RYR3: variants seen among roughly 807,000 people sequenced by gnomAD.
RYR3 encodes ryanodine receptor 3, also known as brain ryanodine receptor-calcium release channel.
A neutral mutation model predicts 584.3 loss-of-function variants in RYR3; 207 were observed. The ratio of observed to expected loss-of-function variants is 0.35; its 90% CI spans 0.32 to 0.40. RYR3 has a LOEUF of 0.40. RYR3 is among the 10% of genes least tolerant of loss of function. The pLI, the probability that RYR3 is intolerant of heterozygous loss-of-function variation, is 1.00. For missense variants in RYR3, 5,616 were observed against 6,089.2 expected (o/e 0.92, Z 2.59); for synonymous variants, 2,416 against 2,248.5 (o/e 1.07, Z -2.11).
chr15:33,859,407 G>C lies in RYR3; in HGVS notation c.14143-168G>C, dbSNP rs191280755. On this transcript the variant is annotated intron_variant, in intron 99 of 103. Transcript: ENST00000634891. Reference sequence around the variant, plus strand: ...CTTTGTAGATATCAAACTGTCCAGAGGGTGCAGTGGACAGCAGCTAGCAGC... The same window carrying C: ...CTTTGTAGATATCAAACTGTCCAGACGGTGCAGTGGACAGCAGCTAGCAGC... 2.4e-3 allele frequency among the ~76,000 whole-genome samples: 360 copies of C among 152,318 alleles called. 1 individual carries two copies. Among genetic ancestry groups the C allele is most frequent in the Non-Finnish European group, 4.1e-3 (277 of 68,026 alleles).
intron 1 of RYR3, among the ~76,000 whole-genome samples, chr15:33,428,661 A>G (rs1008562027): frequency 6.6e-6 from 1 of 152,182 alleles, no homozygotes; most frequent in African/African-American, 2.4e-5. Context: ...GTGTGTTTCA[A>G]TCTAAGATTA....
At chr15:33,669,843 T>TGG (rs35446204) in intron 37 of RYR3, among the ~76,000 whole-genome samples, 17 of 22,078 alleles carry the variant, frequency 7.7e-4, no homozygotes, top group South Asian at 2.5e-3. Context: ...TGTGTGTGTG[T>TGG]GGGGGGGGGG....
At chr15:33,602,658 T>C (rs1188346061) in intron 17 of RYR3, among the ~76,000 whole-genome samples, 1 of 152,066 alleles carries the variant, frequency 6.6e-6, no homozygotes, top group Admixed American at 6.6e-5. Flanking sequence ...CTTTATGTTT[T>C]GTAATGAAAA....
chr15:33,757,727 T>G (rs2071989367), intron 60 of RYR3, 131 bp downstream of exon 60: 1 of 1,001,538 alleles, frequency 1.0e-6, no homozygotes, highest in East Asian at 2.6e-5. Flanking sequence ...TCATCTGAGT[T>G]TCGAAAGAAA....
Position 33,827,277 on chromosome 15 carries a change from T to G in RYR3, c.11324T>G (p.Leu3775Arg). 1 of 1,553,168 alleles carries G rather than the reference T, an allele frequency of 6.4e-7. No individual in the cohort carries two copies. Among genetic ancestry groups the G allele is most frequent in the Non-Finnish European group, 8.7e-7 (1 of 1,147,956 alleles). ...NVIISTVDYLLRLQESISDFY... is the reference protein window; with the variant it reads ...NVIISTVDYLRRLQESISDFY... ...ATCATCAGCACTGTGGACTACCTTC[T>G]GCGTCTGCAGGTGAGTGGGAGGGCC... is the stretch of plus-strand genomic sequence containing the variant. Residue 3775 changes from leucine to arginine, a missense_variant, in exon 85 of 104, where the codon CTG (leucine) becomes CGG (arginine). Coordinates refer to ENST00000634891, the MANE Select transcript of RYR3 (RefSeq NM_001036.6).
intron 3 of RYR3, among the ~76,000 whole-genome samples, chr15:33,524,826 G>A (rs975240519): frequency 6.6e-6 from 1 of 151,848 alleles, no homozygotes; most frequent in Non-Finnish European, 1.5e-5. Flanking sequence ...ATTCTTTGCC[G>A]ACTTCTATGA....
chr15:33,424,384 T>A (rs2044454429), intron 1 of RYR3, among the ~76,000 whole-genome samples: 2 of 152,202 alleles, frequency 1.3e-5, no homozygotes, highest in South Asian at 4.1e-4. Context: ...GCAGAGTTAT[T>A]TTTCTAAAAA....
intron 2 of RYR3, among the ~76,000 whole-genome samples, chr15:33,489,906 G>T (rs984626423): frequency 2.0e-5 from 3 of 147,048 alleles, no homozygotes; most frequent in Non-Finnish European, 3.0e-5. Context: ...GACTGAGATG[G>T]TGAGATGGAA....
rs2078860609 is a variant in RYR3 at position 33,848,407 on chromosome 15, G to C, written c.13614G>C (p.Leu4538Phe). ...ACATCAAGGGGCAGTGGGACCGCTTGGTGATCAACACACCGTGAGTGTCCC... is the reference window on the plus strand; with the variant it reads ...ACATCAAGGGGCAGTGGGACCGCTTCGTGATCAACACACCGTGAGTGTCCC... Reference protein sequence around the residue: ...EDDIKGQWDRLVINTPSFPNN... With the variant: ...EDDIKGQWDRFVINTPSFPNN... The change falls in exon 94 of 104, where the codon TTG (leucine) becomes TTC (phenylalanine). Residue 4538 changes from leucine to phenylalanine, a missense_variant. Leu to Phe is a conservative substitution (Grantham distance 22). Around this residue, in one of 9 missense-constraint regions of RYR3, gnomAD observed 918 missense variants for 887.4 expected, o/e 1.03. Transcript: ENST00000634891. The C allele has an allele frequency of 6.2e-7, 1 of 1,612,812 alleles. No individual in the cohort carries two copies.
chr15:33,805,570 C>T (rs937239658), intron 69 of RYR3, among the ~76,000 whole-genome samples: 2 of 151,754 alleles, frequency 1.3e-5, no homozygotes, highest in South Asian at 2.1e-4. Flanking sequence ...CTCCGCCTCC[C>T]TGGTTCACAC....
intron 51 of RYR3, among the ~76,000 whole-genome samples, chr15:33,741,889 C>T (rs1166345161): frequency 6.6e-6 from 1 of 152,190 alleles, no homozygotes; most frequent in Non-Finnish European, 1.5e-5. Context: ...GCTGGGATTA[C>T]AGGCGTGAGC....
Position 33,813,538 on chromosome 15 carries a change from G to A in RYR3, c.10461G>A (p.Val3487=). The A allele has an allele frequency of 6.2e-7, 1 of 1,613,968 alleles. No individual in the cohort carries two copies. The highest frequency in any genetic ancestry group is 1.1e-5 in the South Asian group (1 of 91,074). Residue 3487 remains valine (V), a synonymous_variant, in exon 74 of 104, where the codon GTG becomes GTA. Transcript: ENST00000634891. ...KLLSKQRKRA[V]VACFRMAPLY... is the part of the protein sequence containing the mutation. ...TATCAAAGCAACGGAAACGGGCAGTGGTGGCCTGTTTCAGGATGGCCCCTC... is the reference window on the plus strand; with the variant it reads ...TATCAAAGCAACGGAAACGGGCAGTAGTGGCCTGTTTCAGGATGGCCCCTC...
chr15:33,823,329 T>C (rs977395941), intron 81 of RYR3, among the ~76,000 whole-genome samples: 13 of 152,188 alleles, frequency 8.5e-5, no homozygotes, highest in Non-Finnish European at 1.3e-4. Flanking sequence ...TAATCTCCCT[T>C]CCTTACCTCC....
chr15:33,749,646 A>G (rs1326731389), intron 55 of RYR3, among the ~76,000 whole-genome samples: 1 of 152,204 alleles, frequency 6.6e-6, no homozygotes, highest in African/African-American at 2.4e-5. Flanking sequence ...GTCTGAGGTC[A>G]GGAGTACAAT....
Position 33,799,472 on chromosome 15 carries a change from C to T in RYR3, c.9831-1298C>T, listed in dbSNP as rs143500884. 2.2e-4 allele frequency among the ~76,000 whole-genome samples: 34 copies of T among 152,258 alleles called. No individual in the cohort carries two copies. The East Asian group carries it at 5.6e-3, about 25-fold the overall frequency. ...AACCCTAAGCTATGGGGTTTGGAGACGTCCATGTTGCTGAACACACAAAGG... is the reference window on the plus strand; with the variant it reads ...AACCCTAAGCTATGGGGTTTGGAGATGTCCATGTTGCTGAACACACAAAGG... On this transcript the variant is annotated intron_variant, in intron 67 of 103. Coordinates refer to ENST00000634891, the MANE Select transcript of RYR3 (RefSeq NM_001036.6).
At chr15:33,788,071 T>TATCAAGGGGAACA in intron 66 of RYR3, 147 bp from the exon 67 acceptor site, 1 of 959,446 alleles carries the variant, frequency 1.0e-6, no homozygotes, top group South Asian at 1.5e-5. Flanking sequence ...GAGAGGGAAG[T>TATCAAGGGGAACA]ATCAAGGGGA....
chr15:33,738,611 A>T (rs778676360), intron 50 of RYR3, 21 bp downstream of exon 50: 1 of 1,613,332 alleles, frequency 6.2e-7, no homozygotes, highest in South Asian at 1.1e-5. Context: ...TACTTTCTGA[A>T]CAAAAAGAGA....
chr15:33,586,520 A>C (rs1336542564), intron 16 of RYR3, among the ~76,000 whole-genome samples: 1 of 152,206 alleles, frequency 6.6e-6, no homozygotes, highest in East Asian at 1.9e-4. Context: ...ACAGTGTAGA[A>C]AGTCTTAGCA....
At chr15:33,764,148 T>G (rs1000789714) in intron 60 of RYR3, among the ~76,000 whole-genome samples, 1 of 152,112 alleles carries the variant, frequency 6.6e-6, no homozygotes, top group African/African-American at 2.4e-5. Flanking sequence ...TGCAGCACTG[T>G]TCACAATAGC....
Sources: gnomAD v4.1 joint callset for allele counts (sites outside exome capture counted in the v4.1 genomes callset) on GRCh38, gnomAD v4.1.1 for gene constraint, gnomAD v4.1.1 regional missense constraint, MANE v1.5 for transcripts, NCBI Gene and HGNC (gene_info 2026-07-23, HGNC 2026-07-21) for gene names.